The following APBB2 variants were observed in gnomAD, a reference collection of about 807,000 sequenced individuals.
APBB2 encodes Fe65-like 1.
In APBB2, 38 loss-of-function variants were observed where a neutral mutation model predicts 82.5. That is an observed-to-expected ratio of 0.46 (90% CI 0.36 to 0.60). The LOEUF (loss-of-function observed/expected upper bound fraction) is 0.60. APBB2 is among the 20% of genes least tolerant of loss of function. The pLI is 0.00. For missense variants in APBB2, 772 were observed against 972.3 expected, an observed-to-expected ratio of 0.79 and a Z score of 2.74; for synonymous variants, 341 against 368.2, an observed-to-expected ratio of 0.93 and a Z score of 0.85.
At chr4:41,155,102 G>A (rs550761351) in intron 1 of APBB2, among the ~76,000 whole-genome samples, 9 of 152,298 alleles carry the variant, frequency 5.9e-5, no homozygotes, top group South Asian at 2.1e-4. Flanking sequence ...ATTTTTAAAC[G>A]TCAAGTAATT....
chr4:40,990,752 C>G (rs1466596662), intron 6 of APBB2, among the ~76,000 whole-genome samples: 3 of 152,256 alleles, frequency 2.0e-5, no homozygotes, highest in Admixed American at 2.0e-4. Flanking sequence ...TCATTTCATA[C>G]CAAACTGCAT....
At chr4:40,863,338 C>A (rs1763239041) in intron 12 of APBB2, among the ~76,000 whole-genome samples, 1 of 152,112 alleles carries the variant, frequency 6.6e-6, no homozygotes, top group Non-Finnish European at 1.5e-5. Context: ...TTTGGCAGGA[C>A]CTTAAGGTAG....
At chr4:41,122,336 A>T (rs1215727454) in intron 2 of APBB2, among the ~76,000 whole-genome samples, 1 of 152,164 alleles carries the variant, frequency 6.6e-6, no homozygotes, top group African/African-American at 2.4e-5. Flanking sequence ...ATAGAAGCTG[A>T]CTTTTTTTGA....
In APBB2 at chr4:41,187,903, T is replaced by C. The variant is rs1162247497; in HGVS notation, c.-417+26502A>G. Among the ~76,000 whole-genome samples the C allele has an allele frequency of 6.6e-5, 10 of 152,352 alleles. No individual in the cohort carries two copies. The East Asian group carries it at 1.7e-3, about 26-fold the overall frequency. On this transcript the variant is annotated intron_variant, in intron 1 of 17. Coordinates refer to ENST00000508593, the MANE Select transcript of APBB2 (RefSeq NM_004307.2). ...GCATGTATGTATATATGTGTATACA[T>C]ACATAAACATCTATTGAGATTTATA...
chr4:40,920,598 G>T (rs998490438), intron 10 of APBB2, among the ~76,000 whole-genome samples: 1 of 152,166 alleles, frequency 6.6e-6, no homozygotes, highest in Non-Finnish European at 1.5e-5. Flanking sequence ...CGGGCTGGAC[G>T]CAGTGGCTCA....
intron 6 of APBB2, among the ~76,000 whole-genome samples, chr4:40,978,202 T>C (rs916108728): frequency 3.9e-5 from 6 of 152,208 alleles, no homozygotes; most frequent in Non-Finnish European, 7.3e-5. Flanking sequence ...CAGGCAGCTA[T>C]GAAACTGGAC....
At chr4:40,861,907 C>A (rs1333586928) in intron 12 of APBB2, among the ~76,000 whole-genome samples, 1 of 152,120 alleles carries the variant, frequency 6.6e-6, no homozygotes, top group African/African-American at 2.4e-5. Context: ...GGAAACTGAT[C>A]ACCCAACTTT....
chr4:40,960,269 T>A (rs1241027461), intron 6 of APBB2, among the ~76,000 whole-genome samples: 1 of 151,972 alleles, frequency 6.6e-6, no homozygotes, highest in Non-Finnish European at 1.5e-5. Flanking sequence ...GAGGAGTACC[T>A]CTACCTACAT....
At chr4:41,020,398 G>A (rs113114621) in intron 5 of APBB2, among the ~76,000 whole-genome samples, 4,682 of 152,244 alleles carry the variant, frequency 0.031, 241 homozygotes, top group African/African-American at 0.11. Flanking sequence ...GACACAATGG[G>A]TATTCAGTAA....
chr4:41,096,050 C>T (rs945785784), intron 3 of APBB2, among the ~76,000 whole-genome samples: 13 of 152,180 alleles, frequency 8.5e-5, no homozygotes, highest in Non-Finnish European at 1.3e-4. Flanking sequence ...TTGGCATATG[C>T]TTTTTCTACA....
intron 6 of APBB2, among the ~76,000 whole-genome samples, chr4:40,977,510 G>A (rs569292533): frequency 1.3e-5 from 2 of 152,068 alleles, no homozygotes; most frequent in South Asian, 2.1e-4. Context: ...ACAGAGTTTC[G>A]CCATGTTGGC....
At chr4:41,207,054 C>T (rs1778117611) in intron 1 of APBB2, among the ~76,000 whole-genome samples, 1 of 151,870 alleles carries the variant, frequency 6.6e-6, no homozygotes, top group Non-Finnish European at 1.5e-5. Context: ...CAAAAATTAG[C>T]CGGATACAGT....
chr4:41,104,997 C>T (rs1217970319), intron 2 of APBB2, among the ~76,000 whole-genome samples: 1 of 152,130 alleles, frequency 6.6e-6, no homozygotes, highest in African/African-American at 2.4e-5. Context: ...TTCAATTTAG[C>T]TTTCCTGGCA....
chr4:41,195,467 T>G, intron 1 of APBB2, among the ~76,000 whole-genome samples: 3 of 143,948 alleles, frequency 2.1e-5, no homozygotes, highest in East Asian at 4.0e-4. Context: ...CCACTGCTCC[T>G]ACCTGCATCC....
intron 7 of APBB2, among the ~76,000 whole-genome samples, chr4:40,939,834 T>C (rs1208886239): frequency 1.3e-5 from 2 of 152,034 alleles, no homozygotes; most frequent in Admixed American, 6.6e-5. Flanking sequence ...TACAGCATTA[T>C]GGTTTAATCA....
intron 1 of APBB2, among the ~76,000 whole-genome samples, chr4:41,177,020 T>C (rs1017184394): frequency 1.3e-5 from 2 of 150,040 alleles, no homozygotes; most frequent in Non-Finnish European, 3.0e-5. Context: ...AAATGAGCAA[T>C]GTCTAAATAG....
At chr4:40,917,353 C>T (rs1422633337) in intron 10 of APBB2, among the ~76,000 whole-genome samples, 6 of 152,052 alleles carry the variant, frequency 3.9e-5, no homozygotes, top group Non-Finnish European at 8.8e-5. Context: ...AAGTGACTTG[C>T]CCAAGGTCTC....
At chr4:40,929,254 AAGAG>A (rs940782239) in intron 10 of APBB2, among the ~76,000 whole-genome samples, 1 of 152,154 alleles carries the variant, frequency 6.6e-6, no homozygotes, top group African/African-American at 2.4e-5. Context: ...AATGGAAAGA[AAGAG>A]AGTTTCAGAG....
At chr4:40,853,831 C>T (rs1170741768) in intron 12 of APBB2, among the ~76,000 whole-genome samples, 1 of 152,152 alleles carries the variant, frequency 6.6e-6, no homozygotes, top group Non-Finnish European at 1.5e-5. Flanking sequence ...CAAATGTTGC[C>T]TCCTAGGACA....
Sources: allele counts gnomAD v4.1 joint callset (sites outside exome capture counted in the v4.1 genomes callset), GRCh38; gene constraint gnomAD v4.1.1; transcripts MANE v1.5; gene names NCBI Gene and HGNC (gene_info 2026-07-23, HGNC 2026-07-21).